Variants in RAB3IL1 observed in about 807,000 individuals in gnomAD.
The protein encoded by RAB3IL1 is RAB3A interacting protein like 1, also known as guanine nucleotide exchange factor for Rab-3A.
Under a neutral mutation model 49.2 loss-of-function variants are expected in RAB3IL1, and 37 were observed. The observed-to-expected ratio is 0.75, with a 90% CI of 0.58 to 0.99. The LOEUF (loss-of-function observed/expected upper bound fraction) is 0.99, where lower values mean the gene tolerates loss of function less well. Ranked by LOEUF, RAB3IL1 falls within the 50% of genes least tolerant of loss-of-function variation. RAB3IL1 has a pLI of 0.00. For synonymous variants in RAB3IL1, 193 were observed against 213.9 expected, an observed-to-expected ratio of 0.90 and a Z score of 0.85; for missense variants, 484 against 513.0, an observed-to-expected ratio of 0.94 and a Z score of 0.55.
chr11:61,922,204 GTC>G (rs1565371325), upstream of RAB3IL1, among the ~76,000 whole-genome samples: 2 of 148,368 alleles, frequency 1.3e-5, no homozygotes, highest in African/African-American at 5.0e-5. Flanking sequence ...GCGAGACTCC[GTC>G]TCAAAAAAAA....
chr11:61,929,442 T>G, the RAB3IL1 span, among the ~76,000 whole-genome samples: 1 of 125,576 alleles, frequency 8.0e-6, no homozygotes, highest in African/African-American at 2.5e-5. Context: ...AAGGCAGAGG[T>G]GCAGTGAGCT....
At chr11:61,900,428 G>A (rs1013479488) in intron 8 of RAB3IL1, among the ~76,000 whole-genome samples, 6 of 152,370 alleles carry the variant, frequency 3.9e-5, no homozygotes, top group Non-Finnish European at 7.3e-5. Flanking sequence ...GAGTGGAGAA[G>A]CTTCGGGGAG....
intron 1 of RAB3IL1, among the ~76,000 whole-genome samples, chr11:61,916,277 C>T (rs182012590): frequency 2.3e-4 from 34 of 146,940 alleles, no homozygotes; most frequent in Non-Finnish European, 4.5e-4. Flanking sequence ...ACTCAGGCAG[C>T]GGAGGTTGCA....
At chr11:61,902,665 A>C (rs1034853673) in intron 7 of RAB3IL1, 124 bp from the exon 8 acceptor site, 49 of 878,398 alleles carry the variant, frequency 5.6e-5, no homozygotes, top group Non-Finnish European at 8.1e-5. Flanking sequence ...CCCTTCCCCC[A>C]CCCGGCTTCC....
intron 4 of RAB3IL1, 139 bp downstream of exon 4, chr11:61,907,254 C>T (rs990278408): frequency 5.9e-6 from 5 of 853,826 alleles, no homozygotes; most frequent in Non-Finnish European, 9.3e-6. Context: ...CCTTCCCTCC[C>T]TGGGCCTAGG....
Position 61,902,765 on chromosome 11 carries a change from C to G in RAB3IL1, c.900-224G>C, listed in dbSNP as rs569794201. On this transcript the variant is annotated intron_variant, in intron 7 of 9. Coordinates refer to ENST00000394836, the MANE Select transcript of RAB3IL1 (RefSeq NM_013401.4). ...CTAAGCTGAGCTGTACCCCTAGAAC[C>G]CTTGTTTTGCCCCTACTGGGCAAGA... 1.7e-3 allele frequency among the ~76,000 whole-genome samples: 263 copies of G among 152,294 alleles called. 2 individuals carry two copies. The highest frequency in any genetic ancestry group is 6.1e-3 in the African/African-American group (255 of 41,542).
upstream of RAB3IL1, among the ~76,000 whole-genome samples, chr11:61,925,064 C>T (rs1244054284): frequency 1.3e-5 from 2 of 152,342 alleles, no homozygotes; most frequent in East Asian, 1.9e-4. Context: ...AGGATCTTTA[C>T]GCGCAATCTC....
At chr11:61,908,635 T>A (rs1939325837) in intron 1 of RAB3IL1, among the ~76,000 whole-genome samples, 1 of 152,204 alleles carries the variant, frequency 6.6e-6, no homozygotes, top group African/African-American at 2.4e-5. Flanking sequence ...GCATCAGGGT[T>A]GAGTCCCACT....
chr11:61,931,654 G>A, the RAB3IL1 span, among the ~76,000 whole-genome samples: 1 of 152,060 alleles, frequency 6.6e-6, no homozygotes, highest in Non-Finnish European at 1.5e-5. Context: ...AGGAGGAGAA[G>A]GAAGGCAAGG....
chr11:61,912,081 C>T (rs542521900), intron 1 of RAB3IL1, among the ~76,000 whole-genome samples: 5 of 152,200 alleles, frequency 3.3e-5, no homozygotes, highest in Non-Finnish European at 7.3e-5. Context: ...ACTAAAGACC[C>T]CTGTTGGTCA....
chr11:61,934,585 T>C, the RAB3IL1 span, among the ~76,000 whole-genome samples: 4 of 150,102 alleles, frequency 2.7e-5, no homozygotes, highest in African/African-American at 9.8e-5. Context: ...AGCTCCTACA[T>C]AGTCCAGGGA....
chr11:61,913,656 C>A (rs1240004557), intron 1 of RAB3IL1, among the ~76,000 whole-genome samples: 1 of 152,138 alleles, frequency 6.6e-6, no homozygotes, highest in East Asian at 1.9e-4. Context: ...TCCTCAAATG[C>A]GCCTGTGGCG....
chr11:61,906,329 C>T lies in RAB3IL1; in HGVS notation c.657+137G>A. On this transcript the variant is annotated intron_variant, in intron 5 of 9. Coordinates refer to ENST00000394836, the MANE Select transcript of RAB3IL1 (RefSeq NM_013401.4). This position sits in a 1 kb window ranked among gnomAD's most constrained non-coding sequence, Gnocchi z 4.6. ...GTTGGAGAGAAAGGACCTGCCCAGC[C>T]CTCACATCCCAGAGAGGCGCAGGAC... is the stretch of plus-strand genomic sequence containing the variant. 2 of 808,336 alleles carry T rather than the reference C, an allele frequency of 2.5e-6. No homozygotes were observed. Among genetic ancestry groups the T allele is most frequent in the Non-Finnish European group, 4.0e-6 (2 of 499,732 alleles). The allele number at this position is 808,336 out of a possible 1,614,324, so 50.1% of individuals were successfully genotyped here.
rs925213139 is a variant in RAB3IL1 at position 61,906,069 on chromosome 11, G to A, written c.657+397C>T. ...CCAGGTGGTCCTGGGGCTCGAGGCT[G>A]TGGCCACACGGGGTCCAGGCAGCCT... On this transcript the variant is annotated intron_variant, in intron 5 of 9. Coordinates refer to ENST00000394836, the MANE Select transcript of RAB3IL1 (RefSeq NM_013401.4). The surrounding 1 kb of genome is among the most constrained non-coding windows in gnomAD (Gnocchi z 4.6). Among the ~76,000 whole-genome samples, 4 of 152,116 alleles carry A rather than the reference G, an allele frequency of 2.6e-5. No homozygotes were observed. Among genetic ancestry groups the A allele is most frequent in the Non-Finnish European group, 4.4e-5 (3 of 68,016 alleles).
intron 2 of RAB3IL1, 55 bp downstream of exon 2, chr11:61,907,999 C>A (rs1939283853): frequency 1.3e-6 from 2 of 1,557,532 alleles, no homozygotes; most frequent in Non-Finnish European, 1.7e-6. Context: ...GCCCACAGCT[C>A]TCCCAACCTG....
chr11:61,945,879 C>G, the RAB3IL1 span: 1 of 900,000 alleles, frequency 1.1e-6, no homozygotes. Flanking sequence ...CATGCTATTC[C>G]GTTGTCATGG....
chr11:61,928,241 G>A, the RAB3IL1 span, among the ~76,000 whole-genome samples: 1 of 152,064 alleles, frequency 6.6e-6, no homozygotes, highest in African/African-American at 2.4e-5. Context: ...GGCCTTGTCT[G>A]CCAAAGCCAC....
At chr11:61,901,892 A>C (rs1238833322) in intron 8 of RAB3IL1, among the ~76,000 whole-genome samples, 1 of 152,238 alleles carries the variant, frequency 6.6e-6, no homozygotes, top group Non-Finnish European at 1.5e-5. Flanking sequence ...AACATGGGGA[A>C]CTGCGCTATT....
chr11:61,926,152 T>C, the RAB3IL1 span, among the ~76,000 whole-genome samples: 1 of 127,986 alleles, frequency 7.8e-6, no homozygotes, highest in African/African-American at 2.9e-5. Context: ...GCAAATAACT[T>C]GGCGAAAATA....
Sources: gnomAD v4.1 joint callset for allele counts (sites outside exome capture counted in the v4.1 genomes callset) on GRCh38, gnomAD v4.1.1 for gene constraint, Gnocchi (gnomAD v3.1) non-coding constraint, MANE v1.5 for transcripts, NCBI Gene and HGNC (gene_info 2026-07-23, HGNC 2026-07-21) for gene names.